DENND1C: variants seen among roughly 807,000 people sequenced by gnomAD.
DENND1C encodes the protein DENN domain-containing protein 1C.
Under a neutral mutation model 87.9 loss-of-function variants are expected in DENND1C, and 64 were observed. That is an observed-to-expected ratio of 0.73 (90% confidence interval 0.60 to 0.90). DENND1C has a LOEUF of 0.90. Ranked by LOEUF, DENND1C falls within the 40% of genes least tolerant of loss-of-function variation. The pLI is 0.00. For missense variants in DENND1C, 980 were observed against 1,037.0 expected, an observed-to-expected ratio of 0.95 and a Z score of 0.76; for synonymous variants, 384 against 424.4, an observed-to-expected ratio of 0.90 and a Z score of 1.17.
Position 6,481,774 on chromosome 19 carries a change from T to C in DENND1C, c.-79A>G, listed in dbSNP as rs115163218. ...TGTGTATGCTGGGCCCCAAGCCGGC[T>C]CAGCTTCCTGTGTGGCTGAGAGAGG... On this transcript the variant is annotated 5_prime_UTR_variant, in exon 1 of 23. Transcript: ENST00000381480. 3,670 of 1,445,102 alleles carry C rather than the reference T, an allele frequency of 2.5e-3. 74 individuals carry two copies. In the African/African-American group the frequency reaches 0.047, roughly 18 times the overall value. 89.5% of individuals were successfully genotyped at this position (1,445,102 alleles called of 1,614,324 possible).
At chr19:6,479,803 C>T (rs2092887472) in intron 3 of DENND1C, 56 bp downstream of exon 3, 9 of 1,613,750 alleles carry the variant, frequency 5.6e-6, no homozygotes, top group Non-Finnish European at 7.6e-6. Flanking sequence ...AACCAAGTCC[C>T]CTCCCCCTGG....
In DENND1C at chr19:6,467,807, G is replaced by A; in HGVS notation, c.2103C>T (p.Pro701=). The A allele has an allele frequency of 1.3e-6, 2 of 1,542,392 alleles. No homozygotes were observed. Among genetic ancestry groups the A allele is most frequent in the Non-Finnish European group, 1.7e-6 (2 of 1,147,244 alleles). ...EDSTAQENPT[P]WLSTAPTEPS... Reference sequence around the variant, plus strand: ...GCTCAGTGGGTGCAGTGGAGAGCCAGGGAGTGGGGTTTTCCTGGGCTGTAG... The same window carrying A: ...GCTCAGTGGGTGCAGTGGAGAGCCAAGGAGTGGGGTTTTCCTGGGCTGTAG... The change falls in exon 23 of 23, where the codon CCC becomes CCT. Residue 701 remains proline (P), a synonymous_variant. Transcript: ENST00000381480.
At position 6,479,896 on chromosome 19, in the gene DENND1C, G is replaced by T. The variant is rs764976091; in HGVS notation, c.89C>A (p.Pro30His). 1.8e-5 allele frequency: 29 copies of T among 1,604,688 alleles called. No individual in the cohort carries two copies. Among genetic ancestry groups the T allele is most frequent in the East Asian group, 1.4e-4 (6 of 44,424 alleles). ...GTCTGGAGGGAACTGCCGCAGGATG[G>T]GGGGATCTGTAGAAGAGAGCACGCC... ...ACPASLQEDP[P>H]ILRQFPPDFR... The change falls in exon 3 of 23, where the codon CCC becomes CAC. Residue 30 changes from proline (P) to histidine (H), a missense_variant. Coordinates refer to ENST00000381480, the MANE Select transcript of DENND1C (RefSeq NM_024898.4).
At chr19:6,480,335 G>C (rs997558302) in intron 1 of DENND1C, 127 of 1,365,470 alleles carry the variant, frequency 9.3e-5, no homozygotes, top group Non-Finnish European at 1.0e-4. Flanking sequence ...AGCAGGCAGT[G>C]TGTGTGTGAT....
intron 19 of DENND1C, 165 bp downstream of exon 19, chr19:6,469,431 A>G: frequency 1.5e-6 from 1 of 685,706 alleles, no homozygotes; most frequent in South Asian, 1.7e-5. Context: ...AGACTCAAGC[A>G]ATCCATATTC....
chr19:6,472,931 C>A lies in DENND1C; in HGVS notation c.1116G>T (p.Gln372His). Residue 372 changes from glutamine (Q) to histidine (H), a missense_variant, in exon 15 of 23, where the codon CAG becomes CAT. By Grantham distance (24) the Gln-to-His change is conservative. Transcript: ENST00000381480. ...FLAQKPGAPL[Q>H]AFHRRAVHLQ... is the part of the protein sequence containing the mutation. ...GGTGCACAGCCCGCCGGTGGAAGGC[C>A]TGCAGAGGTGCCCCAGGCTTCTGGG... is the stretch of plus-strand genomic sequence containing the variant. 1 of 1,594,396 alleles carries A rather than the reference C, an allele frequency of 6.3e-7. No individual in the cohort carries two copies. The highest frequency in any genetic ancestry group is 2.3e-5 in the East Asian group (1 of 43,874).
chr19:6,479,808 C>A, intron 3 of DENND1C, 51 bp downstream of exon 3: 2 of 1,613,772 alleles, frequency 1.2e-6, no homozygotes, highest in Non-Finnish European at 1.7e-6. Context: ...AGTCCCCTCC[C>A]CCTGGGAGAC....
chr19:6,478,409 A>ATTTT (rs36008668), intron 6 of DENND1C, among the ~76,000 whole-genome samples: 8 of 136,134 alleles, frequency 5.9e-5, no homozygotes, highest in African/African-American at 2.2e-4. Flanking sequence ...CGGCCGGCTA[A>ATTTT]TTTTTTTTTT....
intron 15 of DENND1C, among the ~76,000 whole-genome samples, chr19:6,472,104 C>G (rs113034712): frequency 6.6e-6 from 1 of 152,136 alleles, no homozygotes. Context: ...GTAGGTGGAC[C>G]CCATCTTTAG....
At chr19:6,472,414 G>A (rs908970830) in intron 15 of DENND1C, among the ~76,000 whole-genome samples, 6 of 152,004 alleles carry the variant, frequency 3.9e-5, no homozygotes, top group African/African-American at 7.3e-5. Flanking sequence ...TGTTTGAGAC[G>A]GAGTCTCGCT....
rs551422212 is a variant in DENND1C, at chr19:6,478,007, G to A, written c.367-549C>T. 1.9e-3 allele frequency among the ~76,000 whole-genome samples: 296 copies of A among 151,948 alleles called. 1 individual carries two copies. In the Middle Eastern group the frequency reaches 0.031, roughly 16 times the overall value. The stretch of plus-strand genomic sequence containing the variant: ...GAAGAATCGCCTGAACCCGGAATGC[G>A]GAGGTTGCAGTGAGGCGGAATCGCA... On this transcript the variant is annotated intron_variant, in intron 6 of 22. Transcript: ENST00000381480.
In DENND1C at chr19:6,481,624, T is replaced by C. The variant is rs375654724; in HGVS notation, c.17+55A>G. The C allele has an allele frequency of 2.8e-5, 45 of 1,610,314 alleles. No homozygotes were observed. In the African/African-American group the frequency reaches 5.5e-4, roughly 20 times the overall value. ...AGCCCCAGCTCCCCTCTGCCCCGGCTCAGGCCTGGCCCGGGAATCTTGTAC... is the reference window on the plus strand; with the variant it reads ...AGCCCCAGCTCCCCTCTGCCCCGGCCCAGGCCTGGCCCGGGAATCTTGTAC... On this transcript the variant is annotated intron_variant, in intron 1 of 22. Transcript: ENST00000381480.
intron 18 of DENND1C, 139 bp from the exon 19 acceptor site, chr19:6,469,779 C>A (rs1254778298): frequency 1.1e-5 from 9 of 796,676 alleles, no homozygotes; most frequent in Admixed American, 2.4e-5. Context: ...CCATACACCA[C>A]CTAAGAAGTC....
At chr19:6,471,335 C>CGAA in intron 16 of DENND1C, 30 bp from the exon 17 acceptor site, 9 of 1,594,748 alleles carry the variant, frequency 5.6e-6, no homozygotes, top group Non-Finnish European at 6.8e-6. Flanking sequence ...TGGTGGTCAC[C>CGAA]GAAGGCTGGC....
Position 6,481,770 on chromosome 19 carries a change from CG to C in DENND1C, c.-76del. The C allele has an allele frequency of 1.4e-6, 2 of 1,453,670 alleles. No homozygotes were observed. The highest frequency in any genetic ancestry group is 1.8e-6 in the Non-Finnish European group (2 of 1,101,026). The allele number at this position is 1,453,670 out of a possible 1,614,324, so 90.0% of individuals were successfully genotyped here. On this transcript the variant is annotated 5_prime_UTR_variant, in exon 1 of 23. Transcript: ENST00000381480. Reference sequence around the variant, plus strand: ...GGCCTGTGTATGCTGGGCCCCAAGCCGGCTCAGCTTCCTGTGTGGCTGAGAG... The same window carrying C: ...GGCCTGTGTATGCTGGGCCCCAAGCCGCTCAGCTTCCTGTGTGGCTGAGAG...
intron 6 of DENND1C, among the ~76,000 whole-genome samples, chr19:6,478,439 A>G (rs1321922289): frequency 7.4e-6 from 1 of 134,942 alleles, no homozygotes; most frequent in Non-Finnish European, 1.6e-5. Context: ...TATTTTTAGT[A>G]GAGACGGGGC....
intron 17 of DENND1C, among the ~76,000 whole-genome samples, chr19:6,470,894 G>C (rs891236375): frequency 6.6e-6 from 1 of 151,962 alleles, no homozygotes; most frequent in Non-Finnish European, 1.5e-5. Flanking sequence ...CTGACCTCAG[G>C]CAATTCGCCT....
chr19:6,478,905 C>T (rs769195203), intron 5 of DENND1C, 32 bp downstream of exon 5: 2 of 1,613,768 alleles, frequency 1.2e-6, no homozygotes, highest in Non-Finnish European at 1.7e-6. Context: ...TCGGCCTTTC[C>T]CATCCCCCCC....
rs750144847 is a variant in DENND1C at position 6,468,866 on chromosome 19, T to C, written c.1495A>G (p.Ile499Val). The C allele has an allele frequency of 3.3e-6, 5 of 1,510,840 alleles. No individual in the cohort carries two copies. The highest frequency in any genetic ancestry group is 2.3e-5 in the Admixed American group (1 of 42,764). 93.6% of individuals were successfully genotyped at this position (1,510,840 alleles called of 1,614,324 possible). Residue 499 changes from isoleucine (I) to valine (V), a missense_variant, in exon 20 of 23, where the codon ATC becomes GTC. By Grantham distance (29) the Ile-to-Val change is conservative. Transcript: ENST00000381480. Reference sequence around the variant, plus strand: ...CTCACCTTTCCAAAGTGCTGAGTGATTGGGAGGCGTTGCTGCAGGCGGTCT... The same window carrying C: ...CTCACCTTTCCAAAGTGCTGAGTGACTGGGAGGCGTTGCTGCAGGCGGTCT... ...RSDRLQQRLPITQHFGKNRPL... is the reference protein window; with the variant it reads ...RSDRLQQRLPVTQHFGKNRPL...
Sources: allele counts gnomAD v4.1 joint callset (sites outside exome capture counted in the v4.1 genomes callset), GRCh38; gene constraint gnomAD v4.1.1; transcripts MANE v1.5; gene names NCBI Gene and HGNC (gene_info 2026-07-23, HGNC 2026-07-21).